Variants in RASSF9 observed in about 807,000 individuals in gnomAD.
RASSF9 encodes ras association domain-containing protein 9.
A neutral mutation model predicts 21.4 loss-of-function variants in RASSF9; 18 were observed. The ratio of observed to expected loss-of-function variants is 0.84; its 90% confidence interval spans 0.58 to 1.25. The LOEUF (loss-of-function observed/expected upper bound fraction) is 1.25, where lower values mean the gene tolerates loss of function less well. RASSF9 is among the 50% of genes most tolerant of loss of function. The pLI, the probability that RASSF9 is intolerant of heterozygous loss-of-function variation, is 0.00. For synonymous variants in RASSF9, 183 were observed against 179.1 expected (o/e 1.02, Z -0.18); for missense variants, 480 against 503.2 (o/e 0.95, Z 0.44).
intron 1 of RASSF9, among the ~76,000 whole-genome samples, chr12:85,822,179 A>T (rs1396714532): frequency 6.6e-6 from 1 of 152,216 alleles, no homozygotes; most frequent in Admixed American, 6.5e-5. Flanking sequence ...CCGAATCCAC[A>T]TTGGCTTTGC....
At chr12:85,807,605 A>T (rs1468338944) in intron 1 of RASSF9, among the ~76,000 whole-genome samples, 1 of 152,088 alleles carries the variant, frequency 6.6e-6, no homozygotes, top group Non-Finnish European at 1.5e-5. Flanking sequence ...CAGAGTTGGG[A>T]TATAGATGAT....
Position 85,836,392 on chromosome 12 carries a change from G to C in RASSF9, c.-191C>G. On this transcript the variant is annotated 5_prime_UTR_variant, in exon 1 of 2. Coordinates refer to ENST00000361228, the MANE Select transcript of RASSF9 (RefSeq NM_005447.4). ...AGTTGTGCAACTGCTGCTTAACTTT[G>C]AACTGCGGGATTGTTGTGGCTGCTG... 1.6e-6 allele frequency: 2 copies of C among 1,276,640 alleles called. No homozygotes were observed. The highest frequency in any genetic ancestry group is 3.0e-5 in the South Asian group (2 of 66,580). The allele number at this position is 1,276,640 out of a possible 1,614,324, so 79.1% of individuals were successfully genotyped here.
chr12:85,833,078 C>A (rs996539215), intron 1 of RASSF9, among the ~76,000 whole-genome samples: 10 of 147,722 alleles, frequency 6.8e-5, no homozygotes, highest in Non-Finnish European at 1.5e-4. Context: ...AATTGTTGAA[C>A]TAAATAATCT....
Position 85,805,930 on chromosome 12 carries a change from T to C in RASSF9, c.80A>G (p.Lys27Arg). The C allele has an allele frequency of 6.2e-7, 1 of 1,612,694 alleles. No homozygotes were observed. The highest frequency in any genetic ancestry group is 8.5e-7 in the Non-Finnish European group (1 of 1,179,086). ...SPTKDMDSEE[K>R]EIVVWVCQEE... Reference sequence around the variant, plus strand: ...TTGGCAAACCCAAACCACAATTTCCTTCTCTTCTGAATCCATGTCTTTAGT... The same window carrying C: ...TTGGCAAACCCAAACCACAATTTCCCTCTCTTCTGAATCCATGTCTTTAGT... Residue 27 changes from lysine to arginine, a missense_variant, in exon 2 of 2, where the codon AAG becomes AGG. Transcript: ENST00000361228.
chr12:85,832,664 T>G (rs1052613175), intron 1 of RASSF9, among the ~76,000 whole-genome samples: 1 of 151,930 alleles, frequency 6.6e-6, no homozygotes, highest in Non-Finnish European at 1.5e-5. Flanking sequence ...CCCTAGCGAC[T>G]TTTAGAAAAC....
At chr12:85,830,369 C>T (rs1475434268) in intron 1 of RASSF9, among the ~76,000 whole-genome samples, 1 of 152,114 alleles carries the variant, frequency 6.6e-6, no homozygotes, top group Admixed American at 6.6e-5. Context: ...GTCAACCTTG[C>T]ATTTATGGAT....
At chr12:85,833,530 A>T (rs921485069) in intron 1 of RASSF9, among the ~76,000 whole-genome samples, 3 of 151,980 alleles carry the variant, frequency 2.0e-5, no homozygotes, top group African/African-American at 7.2e-5. Context: ...CATTTATAGT[A>T]CTATCTCATG....
chr12:85,812,455 T>C (rs1185845182), intron 1 of RASSF9, among the ~76,000 whole-genome samples: 1 of 151,172 alleles, frequency 6.6e-6, no homozygotes, highest in Non-Finnish European at 1.5e-5. Context: ...TTTAATTTAA[T>C]ATCCCCTGAA....
intron 1 of RASSF9, among the ~76,000 whole-genome samples, chr12:85,833,007 ACT>A (rs1386786674): frequency 1.3e-5 from 2 of 151,822 alleles, no homozygotes; most frequent in Non-Finnish European, 1.5e-5. Context: ...GGGCATACAA[ACT>A]TTTTAGGCTT....
At chr12:85,836,022 C>T in intron 1 of RASSF9, 133 bp downstream of exon 1, 8 of 1,509,790 alleles carry the variant, frequency 5.3e-6, no homozygotes, top group Non-Finnish European at 7.1e-6. Context: ...GGACTGTGTC[C>T]CCACGAAGCC....
In RASSF9 at chr12:85,802,989, T is replaced by C. The variant is rs1051393027; in HGVS notation, c.*1713A>G. On this transcript the variant is annotated 3_prime_UTR_variant, in exon 2 of 2. Coordinates refer to ENST00000361228, the MANE Select transcript of RASSF9 (RefSeq NM_005447.4). ...TTACCAGCCAACTTGAAATAAGACC[T>C]GAAAATATCTATTTTGGTACAAGAA... is the stretch of plus-strand genomic sequence containing the variant. 3.3e-5 allele frequency: 5 copies of C among 152,146 alleles called. No individual in the cohort carries two copies. The highest frequency in any genetic ancestry group is 5.9e-5 in the Non-Finnish European group (4 of 67,998). 9.4% of individuals were successfully genotyped at this position (152,146 alleles called of 1,614,324 possible).
chr12:85,816,469 A>G (rs1261952092), intron 1 of RASSF9, among the ~76,000 whole-genome samples: 2 of 152,132 alleles, frequency 1.3e-5, no homozygotes, highest in Admixed American at 6.6e-5. Flanking sequence ...TTATCTTTCT[A>G]ATATTTTCTT....
intron 1 of RASSF9, among the ~76,000 whole-genome samples, chr12:85,835,915 T>C (rs558903575): frequency 8.2e-4 from 125 of 152,304 alleles, no homozygotes; most frequent in Non-Finnish European, 1.2e-3. Flanking sequence ...AATCACTCTT[T>C]ATTCTCTGCG....
In RASSF9 at chr12:85,829,424, T is replaced by C. The variant is rs145696548; in HGVS notation, c.47+6731A>G. Among the ~76,000 whole-genome samples, 1,152 of 152,268 alleles carry C rather than the reference T, an allele frequency of 7.6e-3. 11 individuals carry two copies. Among genetic ancestry groups the C allele is most frequent in the Non-Finnish European group, 0.011 (745 of 67,990 alleles). On this transcript the variant is annotated intron_variant, in intron 1 of 1. Coordinates refer to ENST00000361228, the MANE Select transcript of RASSF9 (RefSeq NM_005447.4). ...TGCCATTGACTTTCAACCGACAATG[T>C]TATATAAATACACAAAATTATTTTA...
At chr12:85,818,968 A>C (rs924063503) in intron 1 of RASSF9, among the ~76,000 whole-genome samples, 155 of 151,472 alleles carry the variant, frequency 1.0e-3, no homozygotes, top group African/African-American at 3.1e-3. Context: ...AAAAAAAAAA[A>C]AAAAAAAAAA....
chr12:85,823,606 G>A (rs1482044756), intron 1 of RASSF9, among the ~76,000 whole-genome samples: 2 of 152,172 alleles, frequency 1.3e-5, no homozygotes, highest in African/African-American at 4.8e-5. Context: ...TATGACCAAT[G>A]GAATGTGGCA....
At position 85,801,018 on chromosome 12, in the gene RASSF9, G is replaced by A. The variant is rs1178510731; in HGVS notation, c.*3684C>T. ...ATTAGAATAGCTTCTACACACTAAT[G>A]AGGTGTTGTTATTTTACTTAAGAAG... On this transcript the variant is annotated 3_prime_UTR_variant, in exon 2 of 2. Transcript: ENST00000361228. The A allele has an allele frequency of 6.6e-6, 1 of 151,860 alleles. No individual in the cohort carries two copies. Among genetic ancestry groups the A allele is most frequent in the Non-Finnish European group, 1.5e-5 (1 of 67,914 alleles). 9.4% of individuals were successfully genotyped at this position (151,860 alleles called of 1,614,324 possible). A position where few individuals can be genotyped will look rare whatever the true frequency, so the allele number is the denominator to read the frequency against.
Position 85,805,252 on chromosome 12 carries a change from T to G in RASSF9, c.758A>C (p.Glu253Ala), listed in dbSNP as rs1879795680. The G allele has an allele frequency of 6.2e-7, 1 of 1,613,744 alleles. No homozygotes were observed. The highest frequency in any genetic ancestry group is 8.5e-7 in the Non-Finnish European group (1 of 1,179,908). ...VEQNLDLQYE[E>A]NQTLEDLSES... ...GCTCAGGTCCTCCAGAGTCTGGTTT[T>G]CCTCATACTGCAAGTCTAGATTTTG... Residue 253 changes from glutamate (E) to alanine (A), a missense_variant, in exon 2 of 2, where the codon GAA becomes GCA. Glu to Ala is a moderately radical substitution (Grantham distance 107). Transcript: ENST00000361228.
Position 85,804,965 on chromosome 12 carries a change from A to C in RASSF9, c.1045T>G (p.Leu349Val), listed in dbSNP as rs1383221338. The C allele has an allele frequency of 6.2e-7, 1 of 1,613,900 alleles. No homozygotes were observed. The stretch of plus-strand genomic sequence containing the variant: ...TATTCTTTTGCTTTCATCTGAAGCA[A>C]TGAGTCACTGTATTTAATCTCTTTC... The part of the protein sequence containing the change: ...IQKEIKYSDS[L>V]LQMKAKEYEL... Residue 349 changes from leucine to valine, a missense_variant, in exon 2 of 2, where the codon TTG (leucine) becomes GTG (valine). Physicochemically the swap from Leu to Val is conservative, Grantham distance 32. Coordinates refer to ENST00000361228, the MANE Select transcript of RASSF9 (RefSeq NM_005447.4).
Sources: allele counts gnomAD v4.1 joint callset (sites outside exome capture counted in the v4.1 genomes callset), GRCh38; gene constraint gnomAD v4.1.1; transcripts MANE v1.5; gene names NCBI Gene and HGNC (gene_info 2026-07-23, HGNC 2026-07-21).